RBFOX1: variants seen among roughly 807,000 people sequenced by gnomAD.
RBFOX1 encodes RNA binding protein fox-1 homolog 1.
A neutral mutation model predicts 57.7 loss-of-function variants in RBFOX1; 8 were observed. The ratio of observed to expected loss-of-function variants is 0.14; its 90% CI spans 0.08 to 0.25. RBFOX1 has a LOEUF of 0.25. RBFOX1 is among the 10% of genes least tolerant of loss of function. The pLI is 1.00. For missense variants in RBFOX1, 611 were observed against 548.5 expected (o/e 1.11, Z -1.14); for synonymous variants, 326 against 222.4 (o/e 1.47, Z -4.15).
rs115942861 is a variant in RBFOX1 at position 6,932,097 on chromosome 16, G to T, written c.-15-119960G>T. ...GATCATCTTGGTTTTTGTTGTTGTT[G>T]TTTTTTGTTGCTGTTTTTGTTTTTT... On this transcript the variant is annotated intron_variant, in intron 3 of 15. Coordinates refer to ENST00000550418, the MANE Select transcript of RBFOX1 (RefSeq NM_018723.4). 6.2e-3 allele frequency among the ~76,000 whole-genome samples: 941 copies of T among 152,104 alleles called. 12 individuals carry two copies. The highest frequency in any genetic ancestry group is 0.021 in the African/African-American group (892 of 41,508).
At position 6,085,428 on chromosome 16, in the gene RBFOX1, ATG is replaced by A. The variant is rs750159010; in HGVS notation, c.-127+65437_-127+65438del. Among the ~76,000 whole-genome samples, 55 of 152,278 alleles carry A rather than the reference ATG, an allele frequency of 3.6e-4. 1 individual carries two copies. Among genetic ancestry groups the A allele is most frequent in the South Asian group, 2.7e-3 (13 of 4,818 alleles). On this transcript the variant is annotated intron_variant, in intron 1 of 15. Transcript: ENST00000550418. ...GCTGGGAGTACAGGTATGCGCCGCT[ATG>A]CCCAGCTAATTTTGTATTTTTATAG...
At chr16:7,582,879 C>T (rs1008135072) in intron 6 of RBFOX1, among the ~76,000 whole-genome samples, 2 of 152,042 alleles carry the variant, frequency 1.3e-5, no homozygotes, top group Non-Finnish European at 2.9e-5. Flanking sequence ...CAAAACAAGA[C>T]AAAAAAGCAA....
At chr16:5,714,536 T>C (rs1316759069) in intron 3 of RBFOX1, among the ~76,000 whole-genome samples, 1 of 152,174 alleles carries the variant, frequency 6.6e-6, no homozygotes, top group Non-Finnish European at 1.5e-5. Flanking sequence ...GGTGGGACCT[T>C]AGATGTGTGA....
chr16:7,456,470 G>A (rs779032311), intron 4 of RBFOX1, among the ~76,000 whole-genome samples: 1 of 152,210 alleles, frequency 6.6e-6, no homozygotes, highest in Admixed American at 6.5e-5. Context: ...AAGACAGGAC[G>A]TGCCTCTCCA....
At chr16:6,521,776 C>G (rs913701578) in intron 2 of RBFOX1, among the ~76,000 whole-genome samples, 2 of 152,094 alleles carry the variant, frequency 1.3e-5, no homozygotes, top group African/African-American at 4.8e-5. Context: ...TGATTTCTAT[C>G]TCCTGTACAA....
intron 2 of RBFOX1, among the ~76,000 whole-genome samples, chr16:6,587,987 TG>T (rs1471025275): frequency 6.6e-6 from 1 of 152,120 alleles, no homozygotes; most frequent in Non-Finnish European, 1.5e-5. Flanking sequence ...CCCAGCACTT[TG>T]GGAGGCCGAG....
At chr16:6,253,691 G>GTA (rs1567781988) in intron 1 of RBFOX1, among the ~76,000 whole-genome samples, 4 of 110,580 alleles carry the variant, frequency 3.6e-5, no homozygotes, top group Admixed American at 3.0e-4. Flanking sequence ...GTGTGTGTGT[G>GTA]TGTGTGTGTA....
At chr16:6,190,779 T>C (rs953818077) in intron 1 of RBFOX1, among the ~76,000 whole-genome samples, 4 of 152,188 alleles carry the variant, frequency 2.6e-5, no homozygotes, top group Non-Finnish European at 4.4e-5. Context: ...CAGAATATCA[T>C]GGCTTATGTA....
At chr16:6,254,950 C>G (rs2097651081) in intron 1 of RBFOX1, among the ~76,000 whole-genome samples, 1 of 151,914 alleles carries the variant, frequency 6.6e-6, no homozygotes, top group African/African-American at 2.4e-5. Context: ...CCCTTTATTT[C>G]CCAGATTATT....
chr16:6,118,074 T>C (rs1027161745), intron 1 of RBFOX1, among the ~76,000 whole-genome samples: 1 of 152,220 alleles, frequency 6.6e-6, no homozygotes, highest in Non-Finnish European at 1.5e-5. Context: ...AGAGAATTTC[T>C]GTATAGTCTT....
rs149889935 is a variant in RBFOX1 at position 7,235,282 on chromosome 16, A to T, written c.27+183184A>T. Among the ~76,000 whole-genome samples, 199 of 152,300 alleles carry T rather than the reference A, an allele frequency of 1.3e-3. 1 individual carries two copies. The highest frequency in any genetic ancestry group is 4.5e-3 in the African/African-American group (188 of 41,564). On this transcript the variant is annotated intron_variant, in intron 4 of 15. Coordinates refer to ENST00000550418, the MANE Select transcript of RBFOX1 (RefSeq NM_018723.4). ...GGATGGGTTACACAGAAAGAAAGCC[A>T]CTTGTTCATTATTGACTAAGTGTGG...
intron 1 of RBFOX1, among the ~76,000 whole-genome samples, chr16:5,421,881 G>A (rs531305307): frequency 6.6e-6 from 1 of 152,282 alleles, no homozygotes; most frequent in African/African-American, 2.4e-5. Flanking sequence ...CATGCTCGTG[G>A]TTAGGGACAT....
intron 4 of RBFOX1, among the ~76,000 whole-genome samples, chr16:5,888,036 A>T (rs1298001232): frequency 6.6e-6 from 1 of 152,202 alleles, no homozygotes; most frequent in African/African-American, 2.4e-5. Context: ...GCATTCCTGC[A>T]AGACAGCCTT....
At chr16:6,768,183 C>G (rs2077683879) in intron 3 of RBFOX1, among the ~76,000 whole-genome samples, 1 of 151,838 alleles carries the variant, frequency 6.6e-6, no homozygotes. Context: ...GGCAATAGAG[C>G]TAGACTCCAT....
At chr16:6,509,223 G>C (rs76314852) in intron 2 of RBFOX1, among the ~76,000 whole-genome samples, 18,353 of 152,166 alleles carry the variant, frequency 0.12, 1,914 homozygotes, top group East Asian at 0.42. Context: ...CTGGCCAACA[G>C]ATTTAAAATG....
At chr16:5,511,703 G>C (rs1488497253) in intron 2 of RBFOX1, among the ~76,000 whole-genome samples, 2 of 152,206 alleles carry the variant, frequency 1.3e-5, no homozygotes, top group South Asian at 2.1e-4. Flanking sequence ...CACCTAGTGA[G>C]TGATGAAACC....
chr16:7,170,832 A>G (rs1289440303), intron 4 of RBFOX1, among the ~76,000 whole-genome samples: 1 of 152,120 alleles, frequency 6.6e-6, no homozygotes, highest in Non-Finnish European at 1.5e-5. Flanking sequence ...AATCCAGGAG[A>G]TCCCTTGCCC....
rs1161735379 is a variant in RBFOX1 at position 7,409,300 on chromosome 16, C to G, written c.28-108847C>G. Among the ~76,000 whole-genome samples the G allele has an allele frequency of 5.3e-5, 8 of 152,208 alleles. No homozygotes were observed. In the East Asian group the frequency reaches 1.4e-3, roughly 26 times the overall value. ...GATCTGCCTGTAGCTTTGTTCTGAACCGTTCAGTAACAGTTCACTGGAGCA... is the reference window on the plus strand; with the variant it reads ...GATCTGCCTGTAGCTTTGTTCTGAAGCGTTCAGTAACAGTTCACTGGAGCA... On this transcript the variant is annotated intron_variant, in intron 4 of 15. Transcript: ENST00000550418.
At chr16:5,784,150 G>T (rs1397555507) in intron 3 of RBFOX1, among the ~76,000 whole-genome samples, 1 of 152,196 alleles carries the variant, frequency 6.6e-6, no homozygotes, top group East Asian at 1.9e-4. Flanking sequence ...AGCCGGGCGC[G>T]GTGGCTCACG....
Sources: gnomAD v4.1 joint callset for allele counts (sites outside exome capture counted in the v4.1 genomes callset) on GRCh38, gnomAD v4.1.1 for gene constraint, MANE v1.5 for transcripts, NCBI Gene and HGNC (gene_info 2026-07-23, HGNC 2026-07-21) for gene names.